Variants in ADARB2 observed in about 807,000 individuals in gnomAD.
ADARB2 encodes inactive double-stranded RNA-specific editase B2.
In ADARB2, 25 loss-of-function variants were observed where a neutral mutation model predicts 62.2. The ratio of observed to expected loss-of-function variants is 0.40; its 90% CI spans 0.29 to 0.56. The LOEUF (loss-of-function observed/expected upper bound fraction) is 0.56, where lower values mean the gene tolerates loss of function less well. Among genes scored for constraint, ADARB2 ranks in the 20% least tolerant of loss-of-function variants. ADARB2 has a pLI of 0.43. For missense variants in ADARB2, 1,071 were observed against 1,077.4 expected, an observed-to-expected ratio of 0.99 and a Z score of 0.08; for synonymous variants, 572 against 500.8, an observed-to-expected ratio of 1.14 and a Z score of -1.90.
At chr10:1,606,495 G>C (rs966591703) in intron 1 of ADARB2, among the ~76,000 whole-genome samples, 6 of 152,192 alleles carry the variant, frequency 3.9e-5, no homozygotes, top group Admixed American at 2.6e-4. Context: ...TTCAGACAGA[G>C]GCTGATTGGC....
At chr10:1,680,562 G>A (rs1834523784) in intron 1 of ADARB2, among the ~76,000 whole-genome samples, 2 of 152,156 alleles carry the variant, frequency 1.3e-5, no homozygotes, top group Admixed American at 1.3e-4. Flanking sequence ...AGAGCCTAGG[G>A]TATTTTCCCA....
intron 1 of ADARB2, among the ~76,000 whole-genome samples, chr10:1,408,360 G>A (rs997740899): frequency 4.0e-5 from 6 of 151,760 alleles, no homozygotes; most frequent in African/African-American, 1.5e-4. Context: ...GTGTAGATAC[G>A]TGCTCACATG....
intron 1 of ADARB2, among the ~76,000 whole-genome samples, chr10:1,635,671 G>A (rs753238296): frequency 1.3e-5 from 2 of 152,166 alleles, no homozygotes; most frequent in Non-Finnish European, 2.9e-5. Flanking sequence ...CCCTGTGAAC[G>A]GAACTGGCTG....
chr10:1,678,162 G>T (rs1834490516), intron 1 of ADARB2: 1 of 985,250 alleles, frequency 1.0e-6, no homozygotes, highest in Non-Finnish European at 1.2e-6. Context: ...TGAGGGGTCG[G>T]TCACCCAGCA....
intron 2 of ADARB2, 150 bp from the exon 3 acceptor site, chr10:1,364,067 A>T (rs1832290779): frequency 1.7e-6 from 2 of 1,185,386 alleles, no homozygotes; most frequent in Non-Finnish European, 2.2e-6. Context: ...CGCCAGAGAG[A>T]GGGAGCCCCT....
intron 1 of ADARB2, among the ~76,000 whole-genome samples, chr10:1,407,349 C>T (rs532192039): frequency 5.9e-5 from 9 of 152,278 alleles, no homozygotes; most frequent in Admixed American, 2.0e-4. Context: ...CCGACGTCTC[C>T]GGCGTCCTTC....
At chr10:1,684,907 C>A (rs990851847) in intron 1 of ADARB2, among the ~76,000 whole-genome samples, 1 of 152,058 alleles carries the variant, frequency 6.6e-6, no homozygotes, top group Admixed American at 6.6e-5. Flanking sequence ...GACCTGGAAG[C>A]CAAGGATAGT....
intron 4 of ADARB2, among the ~76,000 whole-genome samples, chr10:1,258,668 CAA>C (rs1390910414): frequency 2.6e-5 from 4 of 152,198 alleles, no homozygotes; most frequent in Non-Finnish European, 4.4e-5. Context: ...TAGTGACCTA[CAA>C]AGAGACTTAG....
intron 1 of ADARB2, among the ~76,000 whole-genome samples, chr10:1,572,051 ACAGGGGAGTGTG>A (rs1832945828): frequency 2.5e-5 from 2 of 81,298 alleles, no homozygotes; most frequent in African/African-American, 5.0e-5. Context: ...AGGTGAGTGG[ACAGGGGAGTGTG>A]CAGGTGAGTG....
At chr10:1,456,515 C>T (rs1375924914) in intron 1 of ADARB2, among the ~76,000 whole-genome samples, 1 of 152,198 alleles carries the variant, frequency 6.6e-6, no homozygotes, top group Non-Finnish European at 1.5e-5. Flanking sequence ...ATTTTCTGCT[C>T]TTAGCTCTTG....
chr10:1,467,786 G>C (rs2676717), intron 1 of ADARB2, among the ~76,000 whole-genome samples: 149,564 of 152,318 alleles, frequency 0.98, 73,493 homozygotes, highest in East Asian at 1. Flanking sequence ...TACCACTTCC[G>C]TTATTCCATC....
intron 1 of ADARB2, among the ~76,000 whole-genome samples, chr10:1,653,746 C>T (rs1248826289): frequency 2.0e-5 from 3 of 152,230 alleles, no homozygotes; most frequent in African/African-American, 7.2e-5. Context: ...AATTTAGGAC[C>T]AGGCCCAATG....
chr10:1,607,177 G>C (rs910093120), intron 1 of ADARB2, among the ~76,000 whole-genome samples: 15 of 151,946 alleles, frequency 9.9e-5, no homozygotes, highest in African/African-American at 3.4e-4. Flanking sequence ...TTTTCTTCTC[G>C]CAAGTGGCTG....
rs2676198 is a variant in ADARB2 at position 1,472,755 on chromosome 10, C to A, written c.101-93595G>T. On this transcript the variant is annotated intron_variant, in intron 1 of 9. Transcript: ENST00000381312. ...TGAGTAATTTTAGCGATGGGAGGGC[C>A]CTGCCTGGGGATCTGCAGGGTGGGG... Among the ~76,000 whole-genome samples, 5 of 152,220 alleles carry A rather than the reference C, an allele frequency of 3.3e-5. No individual in the cohort carries two copies. The South Asian group carries it at 8.3e-4, about 25-fold the overall frequency.
chr10:1,217,448 C>T (rs550907200), intron 6 of ADARB2, among the ~76,000 whole-genome samples: 2 of 152,236 alleles, frequency 1.3e-5, no homozygotes, highest in Non-Finnish European at 2.9e-5. Flanking sequence ...TAAGGGGCCA[C>T]CGCGTCCTCA....
chr10:1,510,117 T>TTTCTTTCTTTCTTTCTTTCC (rs1831911411), intron 1 of ADARB2, among the ~76,000 whole-genome samples: 2 of 93,886 alleles, frequency 2.1e-5, no homozygotes, highest in East Asian at 5.3e-4. Context: ...TCTCTCTTTC[T>TTTCTTTCTTTCTTTCTTTCC]TTCTTTCTTT....
rs1376082553 is a variant in ADARB2 at position 1,660,446 on chromosome 10, C to T, written c.100+76605G>A. Among the ~76,000 whole-genome samples the T allele has an allele frequency of 3.9e-5, 6 of 152,174 alleles. No individual in the cohort carries two copies. The East Asian group carries it at 1.2e-3, about 29-fold the overall frequency. ...GTGTGACTATGTATGTTGGATTAAA[C>T]TGGGGTGGAATGGTGGCCAGTCATG... On this transcript the variant is annotated intron_variant, in intron 1 of 9. Transcript: ENST00000381312.
intron 5 of ADARB2, 62 bp downstream of exon 5, chr10:1,242,069 G>A (rs1589163177): frequency 6.0e-6 from 9 of 1,511,434 alleles, no homozygotes; most frequent in Non-Finnish European, 8.0e-6. Context: ...GGCCCCATCT[G>A]CTCCCTGGCA....
intron 3 of ADARB2, among the ~76,000 whole-genome samples, chr10:1,347,971 G>A (rs1564264589): frequency 6.6e-6 from 1 of 151,976 alleles, no homozygotes; most frequent in South Asian, 2.1e-4. Flanking sequence ...GACAGACAGA[G>A]ACGGAGACAG....
Sources: gnomAD v4.1 joint callset for allele counts (sites outside exome capture counted in the v4.1 genomes callset) on GRCh38, gnomAD v4.1.1 for gene constraint, MANE v1.5 for transcripts, NCBI Gene and HGNC (gene_info 2026-07-23, HGNC 2026-07-21) for gene names.